The following CYB5B variants were observed in gnomAD, a reference collection of about 807,000 sequenced individuals.
The protein encoded by CYB5B is cytochrome b5 type B.
In CYB5B, 14 loss-of-function variants were observed where a neutral mutation model predicts 21.3. The ratio of observed to expected loss-of-function variants is 0.66; its 90% CI spans 0.43 to 1.03. The LOEUF is 1.03. Among genes scored for constraint, CYB5B ranks in the 50% least tolerant of loss-of-function variants. The pLI is 0.00. For synonymous variants in CYB5B, 69 were observed against 68.4 expected, an observed-to-expected ratio of 1.01 and a Z score of -0.04; for missense variants, 166 against 185.1, an observed-to-expected ratio of 0.90 and a Z score of 0.60.
intron 1 of CYB5B, chr16:69,444,337 G>T (rs246137): frequency 0.35 from 53,965 of 152,524 alleles, 10,615 homozygotes; most frequent in Admixed American, 0.46. Flanking sequence ...GGGGTGCCGG[G>T]GCTCTTTGGG....
At chr16:69,440,588 ATGTGT>A (rs2014809915) in intron 1 of CYB5B, among the ~76,000 whole-genome samples, 2 of 151,998 alleles carry the variant, frequency 1.3e-5, no homozygotes, top group African/African-American at 4.8e-5. Context: ...TTGCATTCTC[ATGTGT>A]TGTGTATGTG....
chr16:69,456,876 G>C (rs1268328513), intron 3 of CYB5B, among the ~76,000 whole-genome samples: 1 of 152,154 alleles, frequency 6.6e-6, no homozygotes, highest in Non-Finnish European at 1.5e-5. Context: ...TTCCAAATTT[G>C]GCTGAGAGTC....
At chr16:69,446,742 T>C (rs537323080) in intron 1 of CYB5B, among the ~76,000 whole-genome samples, 2 of 152,324 alleles carry the variant, frequency 1.3e-5, no homozygotes, top group African/African-American at 4.8e-5. Flanking sequence ...GCTATCTCAA[T>C]AATATTGGCA....
At chr16:69,444,157 G>C (rs1363217403) in intron 1 of CYB5B, 1 of 160,046 alleles carries the variant, frequency 6.2e-6, no homozygotes, top group Non-Finnish European at 1.4e-5. Context: ...TCAGATACTT[G>C]CTCCTGGGTG....
intron 1 of CYB5B, among the ~76,000 whole-genome samples, chr16:69,436,385 T>C (rs2014760573): frequency 6.6e-6 from 1 of 152,216 alleles, no homozygotes; most frequent in South Asian, 2.1e-4. Context: ...TGTCAAGTTA[T>C]GTTTGGATCT....
intron 1 of CYB5B, among the ~76,000 whole-genome samples, chr16:69,431,064 C>A (rs1191384482): frequency 1.3e-5 from 2 of 151,256 alleles, no homozygotes; most frequent in African/African-American, 4.9e-5. Flanking sequence ...AGTAGCATTA[C>A]CTTGGCTCAC....
chr16:69,428,780 G>A (rs1392121939), intron 1 of CYB5B, among the ~76,000 whole-genome samples: 3 of 152,172 alleles, frequency 2.0e-5, no homozygotes, highest in African/African-American at 7.2e-5. Context: ...CTAAGTAAAG[G>A]CCAGGAGCAA....
intron 1 of CYB5B, among the ~76,000 whole-genome samples, chr16:69,445,651 G>A (rs2014870241): frequency 6.6e-6 from 1 of 152,154 alleles, no homozygotes; most frequent in Admixed American, 6.5e-5. Context: ...TTCTGAGTAA[G>A]TAATGCTTTA....
At chr16:69,462,383 T>A in intron 4 of CYB5B, 47 bp from the exon 5 acceptor site, 1 of 1,446,212 alleles carries the variant, frequency 6.9e-7, no homozygotes, top group East Asian at 2.3e-5. Context: ...AGTGAACATT[T>A]GGCTTAAAAT....
intron 1 of CYB5B, among the ~76,000 whole-genome samples, chr16:69,429,607 G>A (rs1243721158): frequency 6.6e-6 from 1 of 152,160 alleles, no homozygotes; most frequent in East Asian, 1.9e-4. Flanking sequence ...TTAGGAGGCT[G>A]TTTTAGTAAT....
At chr16:69,429,297 AG>A (rs1321109853) in intron 1 of CYB5B, among the ~76,000 whole-genome samples, 2 of 152,174 alleles carry the variant, frequency 1.3e-5, no homozygotes, top group East Asian at 3.8e-4. Flanking sequence ...GGACCAGAGC[AG>A]GTTGATGCTG....
chr16:69,448,329 A>G, intron 3 of CYB5B, 185 bp downstream of exon 3: 1 of 638,364 alleles, frequency 1.6e-6, no homozygotes, highest in African/African-American at 1.9e-5. Context: ...TGAGTCTTGA[A>G]CAGTAGGAAA....
intron 3 of CYB5B, chr16:69,449,480 T>G (rs1221294938): frequency 3.9e-5 from 6 of 152,320 alleles, no homozygotes; most frequent in Non-Finnish European, 8.8e-5. Context: ...GCACAGCAAC[T>G]ATGAGAGCAT....
At chr16:69,426,388 G>T (rs1217651690) in intron 1 of CYB5B, among the ~76,000 whole-genome samples, 1 of 132,274 alleles carries the variant, frequency 7.6e-6, no homozygotes, top group African/African-American at 2.9e-5. Flanking sequence ...GACCCAGCGA[G>T]ATTCCATCTC....
At position 69,441,493 on chromosome 16, in the gene CYB5B, TG is replaced by T. The variant is rs915460694; in HGVS notation, c.175-5655del. Reference sequence around the variant, plus strand: ...TTTATTTCTTAAAGAGAAAGCGAGATGGTTTAATTTGTAGTCAAGAGTCATT... The same window carrying T: ...TTTATTTCTTAAAGAGAAAGCGAGATGTTTAATTTGTAGTCAAGAGTCATT... On this transcript the variant is annotated intron_variant, in intron 1 of 4. Transcript: ENST00000307892. Among the ~76,000 whole-genome samples, 33 of 152,208 alleles carry T rather than the reference TG, an allele frequency of 2.2e-4. 1 individual carries two copies. The highest frequency in any genetic ancestry group is 7.3e-5 in the Non-Finnish European group (5 of 68,034).
Position 69,464,288 on chromosome 16 carries a change from G to C in CYB5B, c.*1768G>C, listed in dbSNP as rs1375793660. ...TGGGAGTAATTTTAGGAGATTTCTG[G>C]CTGACTTTTATTATCAGGGATATGG... On this transcript the variant is annotated 3_prime_UTR_variant, in exon 5 of 5. Coordinates refer to ENST00000307892, the MANE Select transcript of CYB5B (RefSeq NM_030579.3). The C allele has an allele frequency of 6.6e-6, 1 of 152,140 alleles. No homozygotes were observed. Among genetic ancestry groups the C allele is most frequent in the East Asian group, 1.9e-4 (1 of 5,208 alleles). The allele number at this position is 152,140 out of a possible 1,614,324, so 9.4% of individuals were successfully genotyped here.
intron 3 of CYB5B, chr16:69,449,642 A>G (rs2014912963): frequency 6.6e-6 from 1 of 152,208 alleles, no homozygotes; most frequent in South Asian, 2.1e-4. Context: ...CTGTTCTTGT[A>G]TCACCTCAGT....
Position 69,463,498 on chromosome 16 carries a change from A to C in CYB5B, c.*978A>C, listed in dbSNP as rs551581190. On this transcript the variant is annotated 3_prime_UTR_variant, in exon 5 of 5. Transcript: ENST00000307892. ...CAGTTTCTAACCATCTGTTTTTTCT[A>C]CCCTAGCTATCTTTTATTGGTAAAA... 6.6e-6 allele frequency: 1 copy of C among 152,080 alleles called. No homozygotes were observed. Among genetic ancestry groups the C allele is most frequent in the Admixed American group, 6.5e-5 (1 of 15,286 alleles). The allele number at this position is 152,080 out of a possible 1,614,324, so 9.4% of individuals were successfully genotyped here.
chr16:69,431,956 G>A (rs1470024121), intron 1 of CYB5B, among the ~76,000 whole-genome samples: 1 of 152,178 alleles, frequency 6.6e-6, no homozygotes, highest in Non-Finnish European at 1.5e-5. Context: ...GAAAGCCTCT[G>A]TGAGAAGATA....
Sources: gnomAD v4.1 joint callset for allele counts (sites outside exome capture counted in the v4.1 genomes callset) on GRCh38, gnomAD v4.1.1 for gene constraint, MANE v1.5 for transcripts, NCBI Gene and HGNC (gene_info 2026-07-23, HGNC 2026-07-21) for gene names.